The following U2SURP variants were observed in gnomAD, a reference collection of about 807,000 sequenced individuals.
The protein encoded by U2SURP is U2 snRNP-associated SURP motif-containing protein.
A neutral mutation model predicts 144.9 loss-of-function variants in U2SURP; 9 were observed. That is an observed-to-expected ratio of 0.06 (90% CI 0.04 to 0.11). The LOEUF (loss-of-function observed/expected upper bound fraction) is 0.11, where lower values mean the gene tolerates loss of function less well. Among genes scored for constraint, U2SURP ranks in the 10% least tolerant of loss-of-function variants. The pLI, the probability that U2SURP is intolerant of heterozygous loss-of-function variation, is 1.00. For missense variants in U2SURP, 724 were observed against 1,226.7 expected, an observed-to-expected ratio of 0.59 and a Z score of 6.12; for synonymous variants, 408 against 396.8, an observed-to-expected ratio of 1.03 and a Z score of -0.33.
At chr3:143,020,559 A>C (rs2108282181) in intron 7 of U2SURP, 40 bp from the exon 8 acceptor site, 1 of 1,424,270 alleles carries the variant, frequency 7.0e-7, no homozygotes. Flanking sequence ...GAATGAACAA[A>C]TTTTGGCTCA....
intron 23 of U2SURP, among the ~76,000 whole-genome samples, chr3:143,042,271 T>C (rs566569312): frequency 6.6e-6 from 1 of 152,208 alleles, no homozygotes; most frequent in African/African-American, 2.4e-5. Flanking sequence ...TTTGCTAATA[T>C]ATAAAATGCA....
intron 7 of U2SURP, among the ~76,000 whole-genome samples, chr3:143,020,371 C>A (rs1392736061): frequency 1.3e-5 from 2 of 152,130 alleles, no homozygotes; most frequent in Non-Finnish European, 2.9e-5. Context: ...TGTTTAATTT[C>A]CTCCTCACCT....
At chr3:143,049,918 A>G (rs1934763299) in intron 24 of U2SURP, among the ~76,000 whole-genome samples, 1 of 152,156 alleles carries the variant, frequency 6.6e-6, no homozygotes, top group Non-Finnish European at 1.5e-5. Context: ...ATATAAGTAT[A>G]TTACATGTAT....
Position 143,010,862 on chromosome 3 carries a change from G to A in U2SURP, c.90+3G>A. 6.2e-7 allele frequency: 1 copy of A among 1,602,196 alleles called. No individual in the cohort carries two copies. Among genetic ancestry groups the A allele is most frequent in the Middle Eastern group, 2.1e-4 (1 of 4,672 alleles). ...CATCTGGATCTTCAGATGCACATGT[G>A]AGTATAGAAGGCAATCTTTGTCTTT... On this transcript the variant is annotated splice_donor_region_variant and intron_variant, in intron 2 of 27. Coordinates refer to ENST00000473835, the MANE Select transcript of U2SURP (RefSeq NM_001080415.2).
rs769861867 is a variant in U2SURP, at chr3:143,022,887, T to C, written c.1053T>C (p.Gly351=). 8 of 1,593,320 alleles carry C rather than the reference T, an allele frequency of 5.0e-6. No individual in the cohort carries two copies. The highest frequency in any genetic ancestry group is 2.7e-5 in the African/African-American group (2 of 73,946). The change falls in exon 12 of 28, where the codon GGT becomes GGC. Residue 351 remains glycine (G), a synonymous_variant. Transcript: ENST00000473835. ...KMIMSFEMKL[G]WGKAVPIPPH... ...TTATGTCTTTTGAAATGAAGTTAGG[T>C]TGGGGTAAAGCTGTACCTATTCCTC...
At chr3:143,022,262 A>G (rs908873198) in intron 10 of U2SURP, among the ~76,000 whole-genome samples, 1 of 152,194 alleles carries the variant, frequency 6.6e-6, no homozygotes, top group African/African-American at 2.4e-5. Context: ...TGATTTCTTC[A>G]TCCACTGAAC....
intron 16 of U2SURP, among the ~76,000 whole-genome samples, chr3:143,029,866 T>C (rs992283584): frequency 1.3e-5 from 2 of 152,190 alleles, no homozygotes; most frequent in Admixed American, 6.5e-5. Context: ...TTATTACTGA[T>C]AGAAAGTTTC....
intron 16 of U2SURP, among the ~76,000 whole-genome samples, chr3:143,031,978 A>G (rs529860146): frequency 1.6e-3 from 244 of 152,282 alleles, no homozygotes; most frequent in Non-Finnish European, 2.5e-3. Flanking sequence ...AATACAGTCA[A>G]TTCCCTTCCC....
intron 4 of U2SURP, among the ~76,000 whole-genome samples, chr3:143,015,285 T>C (rs1936310988): frequency 6.6e-6 from 1 of 152,150 alleles, no homozygotes; most frequent in South Asian, 2.1e-4. Flanking sequence ...TTTTTTTCTA[T>C]AAGTTATATT....
At chr3:143,030,902 A>G (rs543977651) in intron 16 of U2SURP, among the ~76,000 whole-genome samples, 1 of 152,342 alleles carries the variant, frequency 6.6e-6, no homozygotes, top group Admixed American at 6.5e-5. Flanking sequence ...ATTTAAAAAA[A>G]TCTTAAAAAT....
chr3:143,027,359 A>G (rs1399566019), intron 14 of U2SURP, 106 bp downstream of exon 14: 2 of 790,732 alleles, frequency 2.5e-6, no homozygotes, highest in Non-Finnish European at 2.0e-6. Context: ...ACATTGTTGT[A>G]CAACCATCAC....
At chr3:143,030,530 T>A (rs1187324289) in intron 16 of U2SURP, among the ~76,000 whole-genome samples, 1 of 152,218 alleles carries the variant, frequency 6.6e-6, no homozygotes, top group Non-Finnish European at 1.5e-5. Context: ...TCACTGAAGA[T>A]CTCTGATGGA....
intron 1 of U2SURP, among the ~76,000 whole-genome samples, chr3:143,003,140 C>T (rs1935624678): frequency 6.6e-6 from 1 of 152,168 alleles, no homozygotes; most frequent in African/African-American, 2.4e-5. Context: ...AGGCTTCCTT[C>T]TAAAATAGTG....
intron 16 of U2SURP, among the ~76,000 whole-genome samples, chr3:143,029,162 A>C (rs999287369): frequency 1.3e-5 from 2 of 152,228 alleles, no homozygotes; most frequent in Admixed American, 6.5e-5. Flanking sequence ...AAGCAAAAAC[A>C]TACTTATTAA....
chr3:143,041,778 C>A lies in U2SURP; in HGVS notation c.2385-1339C>A, dbSNP rs193272097. The stretch of plus-strand genomic sequence containing the variant: ...TGCTCATCGTAGAATGTCCTTAGTA[C>A]CCAAATACCAACATAGAAGGGCTTG... On this transcript the variant is annotated intron_variant, in intron 23 of 27. Transcript: ENST00000473835. 3.9e-5 allele frequency among the ~76,000 whole-genome samples: 6 copies of A among 151,934 alleles called. No homozygotes were observed. In the East Asian group the frequency reaches 1.2e-3, roughly 29 times the overall value.
intron 24 of U2SURP, 127 bp from the exon 25 acceptor site, chr3:143,050,812 C>A (rs532490381): frequency 3.4e-6 from 2 of 594,972 alleles, no homozygotes; most frequent in Non-Finnish European, 5.9e-6. Flanking sequence ...GACAAGTGGC[C>A]TTCAGGTGAG....
rs577427783 is a variant in U2SURP, at chr3:143,042,646, C to T, written c.2385-471C>T. ...AGAAGTCCATTGTATTATTCTTATGCCTTTACATCCTTATAGCTTAACTTT... is the reference window on the plus strand; with the variant it reads ...AGAAGTCCATTGTATTATTCTTATGTCTTTACATCCTTATAGCTTAACTTT... On this transcript the variant is annotated intron_variant, in intron 23 of 27. Transcript: ENST00000473835. Among the ~76,000 whole-genome samples, 3 of 152,174 alleles carry T rather than the reference C, an allele frequency of 2.0e-5. No individual in the cohort carries two copies. In the South Asian group the frequency reaches 6.2e-4, roughly 32 times the overall value.
rs60505715 is a variant in U2SURP, at chr3:143,003,677, C to CTTTTT, written c.45+2024_45+2028dup. Among the ~76,000 whole-genome samples the CTTTTT allele has an allele frequency of 6.8e-3, 690 of 101,482 alleles. 8 individuals carry two copies. The highest frequency in any genetic ancestry group is 9.2e-3 in the Non-Finnish European group (480 of 52,172). 66.6% of individuals were successfully genotyped at this position (101,482 alleles called of 152,430 possible). ...TAGCTGCTTTTTATTTATTTTATTT[C>CTTTTT]TTTTTTTTTTTTTTTTTTTTTTTTG... is the stretch of plus-strand genomic sequence containing the variant. On this transcript the variant is annotated intron_variant, in intron 1 of 27. Transcript: ENST00000473835.
At chr3:143,034,296 C>T (rs879277967) in intron 18 of U2SURP, among the ~76,000 whole-genome samples, 16 of 151,996 alleles carry the variant, frequency 1.1e-4, no homozygotes, top group South Asian at 2.1e-4. Flanking sequence ...CCCAGCTACT[C>T]GGGAAGCTGA....
Sources: allele counts gnomAD v4.1 joint callset (sites outside exome capture counted in the v4.1 genomes callset), GRCh38; gene constraint gnomAD v4.1.1; transcripts MANE v1.5; gene names NCBI Gene and HGNC (gene_info 2026-07-23, HGNC 2026-07-21).